EPG5: variants seen among roughly 807,000 people sequenced by gnomAD.
The protein encoded by EPG5 is ectopic P granules protein 5 homolog.
Under a neutral mutation model 302.7 loss-of-function variants are expected in EPG5, and 159 were observed. The observed-to-expected ratio is 0.53, with a 90% CI of 0.46 to 0.60. EPG5 has a LOEUF of 0.60. EPG5 is among the 20% of genes least tolerant of loss of function. The probability of loss-of-function intolerance (pLI) is 0.00; values close to 1 mark genes in which losing one functional copy is unlikely to be tolerated. For missense variants in EPG5, 2,896 were observed against 3,092.4 expected, an observed-to-expected ratio of 0.94 and a Z score of 1.51; for synonymous variants, 1,158 against 1,136.8, an observed-to-expected ratio of 1.02 and a Z score of -0.37.
In EPG5 at chr18:45,850,753, T is replaced by A. The variant is rs2048412845; in HGVS notation, c.*1714A>T. ...AAATGTGCATACTGTCACTCAAAAA[T>A]TTCACATCCTAGGATATCAGTAATT... On this transcript the variant is annotated 3_prime_UTR_variant, in exon 44 of 44. Coordinates refer to ENST00000282041, the MANE Select transcript of EPG5 (RefSeq NM_020964.3). 6.6e-6 allele frequency: 1 copy of A among 152,630 alleles called. No individual in the cohort carries two copies. The highest frequency in any genetic ancestry group is 2.1e-4 in the South Asian group (1 of 4,832). 9.5% of individuals were successfully genotyped at this position (152,630 alleles called of 1,614,324 possible).
At position 45,866,883 on chromosome 18, in the gene EPG5, G is replaced by T. The variant is rs2047350898; in HGVS notation, c.6536C>A (p.Ala2179Glu). ...SSHYPPSIIL[A>E]KESYAELIMK... ...GATTAATTCAGCATAAGATTCTTTT[G>T]CCAGGATGATGGACGGCGGGTAATG... Residue 2179 changes from alanine (A) to glutamate (E), a missense_variant, in exon 38 of 44, where the codon GCA (alanine) becomes GAA (glutamate). Around this residue, in one of 5 missense-constraint regions of EPG5, gnomAD observed 620 missense variants for 704.2 expected, o/e 0.88. Coordinates refer to ENST00000282041, the MANE Select transcript of EPG5 (RefSeq NM_020964.3). 2 of 1,614,046 alleles carry T rather than the reference G, an allele frequency of 1.2e-6. No homozygotes were observed. Among genetic ancestry groups the T allele is most frequent in the Non-Finnish European group, 1.7e-6 (2 of 1,180,026 alleles).
the EPG5 span, among the ~76,000 whole-genome samples, chr18:45,826,222 G>A: frequency 6.6e-6 from 1 of 152,154 alleles, no homozygotes; most frequent in Non-Finnish European, 1.5e-5. Flanking sequence ...ATGGGAGGGG[G>A]TGATTTCATG....
chr18:45,953,154 C>T (rs2050949592), intron 2 of EPG5: 1 of 392,206 alleles, frequency 2.5e-6, no homozygotes, highest in Non-Finnish European at 3.5e-6. Flanking sequence ...GCCTGGGCGA[C>T]AGAGCTAGAC....
In EPG5 at chr18:45,937,374, A is replaced by G. The variant is rs62095412; in HGVS notation, c.2099+2226T>C. Among the ~76,000 whole-genome samples, 426 of 151,090 alleles carry G rather than the reference A, an allele frequency of 2.8e-3. 3 individuals are homozygous for G. The highest frequency in any genetic ancestry group is 0.018 in the South Asian group (88 of 4,804). ...TACACATATATATACACACACACAT[A>G]TATATACACACACACATATATATAC... On this transcript the variant is annotated intron_variant, in intron 10 of 43. Coordinates refer to ENST00000282041, the MANE Select transcript of EPG5 (RefSeq NM_020964.3).
the EPG5 span, among the ~76,000 whole-genome samples, chr18:45,819,859 T>G: frequency 6.6e-6 from 1 of 152,216 alleles, no homozygotes. Flanking sequence ...TCATGCTGCA[T>G]TTTCCTGATG....
chr18:45,884,222 TAG>T (rs2145439660), intron 30 of EPG5, among the ~76,000 whole-genome samples: 1 of 152,228 alleles, frequency 6.6e-6, no homozygotes, highest in East Asian at 1.9e-4. Context: ...CCCATGGCAT[TAG>T]AGTCTCATAG....
intron 1 of EPG5, among the ~76,000 whole-genome samples, chr18:45,965,989 G>A (rs1282208870): frequency 6.6e-6 from 1 of 151,526 alleles, no homozygotes; most frequent in Non-Finnish European, 1.5e-5. Flanking sequence ...GGAGGCGGAG[G>A]TTGCGGTGAG....
At chr18:45,860,402 G>A in intron 39 of EPG5, 56 bp from the exon 40 acceptor site, 1 of 1,607,688 alleles carries the variant, frequency 6.2e-7, no homozygotes. Flanking sequence ...CTATCCATGT[G>A]ATCAGGAGAA....
intron 2 of EPG5, chr18:45,953,171 TAA>T: frequency 1.9e-6 from 1 of 531,098 alleles, no homozygotes; most frequent in Non-Finnish European, 2.4e-6. Context: ...AGACTCCATC[TAA>T]AAAAAAAGTA....
At chr18:45,943,856 G>A (rs1568177379) in intron 8 of EPG5, 149 bp downstream of exon 8, 1 of 556,864 alleles carries the variant, frequency 1.8e-6, no homozygotes, top group Non-Finnish European at 3.2e-6. Context: ...GGGAGGCAGA[G>A]CTTGCAGTGA....
rs532593286 is a variant in EPG5 at position 45,882,160 on chromosome 18, A to C, written c.5518+114T>G. Reference sequence around the variant, plus strand: ...CCTTTAGATGACAATTAGTGATTCTAAACTCCTATACTGGTATTACTTTCA... The same window carrying C: ...CCTTTAGATGACAATTAGTGATTCTCAACTCCTATACTGGTATTACTTTCA... On this transcript the variant is annotated intron_variant, in intron 31 of 43. Transcript: ENST00000282041. 7 of 934,500 alleles carry C rather than the reference A, an allele frequency of 7.5e-6. No individual in the cohort carries two copies. In the African/African-American group the frequency reaches 1.2e-4, roughly 16 times the overall value. 57.9% of individuals were successfully genotyped at this position (934,500 alleles called of 1,614,324 possible).
chr18:45,963,035 T>A (rs2051181272), intron 1 of EPG5, among the ~76,000 whole-genome samples: 1 of 152,136 alleles, frequency 6.6e-6, no homozygotes, highest in Admixed American at 6.5e-5. Context: ...TATTCTTCAT[T>A]ACTGGCATTT....
At chr18:45,878,968 G>C (rs367825799) in intron 33 of EPG5, 45 bp downstream of exon 33, 3 of 1,496,138 alleles carry the variant, frequency 2.0e-6, no homozygotes, top group Admixed American at 1.7e-5. Flanking sequence ...TCTCTTAATG[G>C]AAAGTCCAAA....
At chr18:45,926,784 C>T (rs1420920153) in intron 13 of EPG5, among the ~76,000 whole-genome samples, 1 of 150,224 alleles carries the variant, frequency 6.7e-6, no homozygotes, top group African/African-American at 2.5e-5. Context: ...TGCACTCCAG[C>T]CTGGGTGACA....
At chr18:45,874,498 G>A (rs1407457974) in intron 35 of EPG5, among the ~76,000 whole-genome samples, 1 of 152,158 alleles carries the variant, frequency 6.6e-6, no homozygotes, top group Non-Finnish European at 1.5e-5. Context: ...GTTCCATGTG[G>A]CTGGGGAGGC....
intron 38 of EPG5, among the ~76,000 whole-genome samples, chr18:45,865,976 A>C (rs767928309): frequency 6.6e-6 from 1 of 152,172 alleles, no homozygotes. Flanking sequence ...GTTTTCCCAA[A>C]TTGTGGCAGA....
rs573432478 is a variant in EPG5, at chr18:45,926,689, C to T, written c.2554-787G>A. Among the ~76,000 whole-genome samples the T allele has an allele frequency of 4.6e-5, 7 of 151,910 alleles. No individual in the cohort carries two copies. The South Asian group carries it at 1.5e-3, about 32-fold the overall frequency. Reference sequence around the variant, plus strand: ...TAAAAATTAGCCAGGCATGGTGGCACGCGCCTGTAATCCCAACTACTCAGG... The same window carrying T: ...TAAAAATTAGCCAGGCATGGTGGCATGCGCCTGTAATCCCAACTACTCAGG... On this transcript the variant is annotated intron_variant, in intron 13 of 43. Transcript: ENST00000282041.
the EPG5 span, chr18:45,842,102 A>G: frequency 6.2e-7 from 1 of 1,614,108 alleles, no homozygotes; most frequent in Non-Finnish European, 8.5e-7. Context: ...TCTCCTGTCC[A>G]CAGGTCCCAG....
At chr18:45,868,675 C>A (rs921069346) in intron 36 of EPG5, among the ~76,000 whole-genome samples, 1 of 149,602 alleles carries the variant, frequency 6.7e-6, no homozygotes, top group Admixed American at 6.7e-5. Context: ...GGCCTATATT[C>A]CCTTTTTAAT....
Sources: gnomAD v4.1 joint callset for allele counts (sites outside exome capture counted in the v4.1 genomes callset) on GRCh38, gnomAD v4.1.1 for gene constraint, gnomAD v4.1.1 regional missense constraint, MANE v1.5 for transcripts, NCBI Gene and HGNC (gene_info 2026-07-23, HGNC 2026-07-21) for gene names.